METTL9: variants seen among roughly 807,000 people sequenced by gnomAD.
METTL9 encodes the protein protein-L-histidine N-pros-methyltransferase.
In METTL9, 10 loss-of-function variants were observed where a neutral mutation model predicts 36.0. The observed-to-expected ratio is 0.28, with a 90% CI of 0.17 to 0.47. The LOEUF (loss-of-function observed/expected upper bound fraction) is 0.47. Ranked by LOEUF, METTL9 falls within the 20% of genes least tolerant of loss-of-function variation. The probability of loss-of-function intolerance (pLI) is 0.99; values close to 1 mark genes in which losing one functional copy is unlikely to be tolerated. For missense variants in METTL9, 246 were observed against 383.5 expected (o/e 0.64, Z 3.00); for synonymous variants, 175 against 149.7 (o/e 1.17, Z -1.23).
chr16:21,630,251 C>T (rs761473007), intron 4 of METTL9, among the ~76,000 whole-genome samples: 8 of 152,256 alleles, frequency 5.3e-5, no homozygotes, highest in Non-Finnish European at 7.3e-5. Flanking sequence ...GCCCAGCAGG[C>T]GCTGGCTGGT....
At chr16:21,652,526 C>T in intron 4 of METTL9, 2 of 1,604,928 alleles carry the variant, frequency 1.2e-6, no homozygotes, top group Non-Finnish European at 1.7e-6. Context: ...AGAAAAAGAA[C>T]CTTACCGACA....
intron 1 of METTL9, among the ~76,000 whole-genome samples, chr16:21,608,112 G>A (rs1440867104): frequency 3.3e-5 from 5 of 151,974 alleles, no homozygotes. Context: ...TCACACCACT[G>A]CACTCCATCC....
At chr16:21,648,830 C>T (rs1028822731) in intron 4 of METTL9, among the ~76,000 whole-genome samples, 2 of 152,190 alleles carry the variant, frequency 1.3e-5, no homozygotes, top group Admixed American at 1.3e-4. Context: ...GTAAATGAAA[C>T]TGAAAAGTCA....
intron 4 of METTL9, chr16:21,652,227 T>A (rs1231785990): frequency 4.3e-6 from 1 of 234,234 alleles, no homozygotes; most frequent in Non-Finnish European, 8.1e-6. Context: ...AGATCAAGTT[T>A]GTATGATAAT....
At chr16:21,625,471 G>T (rs779282155) in intron 4 of METTL9, among the ~76,000 whole-genome samples, 1 of 152,074 alleles carries the variant, frequency 6.6e-6, no homozygotes, top group South Asian at 2.1e-4. Flanking sequence ...AAATCTGGTC[G>T]TATATACTTG....
intron 4 of METTL9, chr16:21,641,628 G>A (rs764814598): frequency 2.1e-6 from 3 of 1,414,450 alleles, no homozygotes; most frequent in Non-Finnish European, 3.0e-6. Flanking sequence ...CCATGTTTAA[G>A]GTTATGTAAC....
upstream of METTL9, chr16:21,599,342 T>G (rs1395656183): frequency 1.1e-6 from 1 of 947,960 alleles, no homozygotes; most frequent in East Asian, 1.1e-4. The surrounding 1 kb of genome is among the most constrained non-coding windows in gnomAD (Gnocchi z 4.4). Context: ...TAAAACCACC[T>G]CCGCCATTTA....
chr16:21,610,404 G>A (rs574860283), intron 1 of METTL9, among the ~76,000 whole-genome samples: 2 of 152,146 alleles, frequency 1.3e-5, no homozygotes, highest in Non-Finnish European at 2.9e-5. Context: ...ACCATTTGAT[G>A]GACATTTGAC....
chr16:21,608,674 T>C (rs552373557), intron 1 of METTL9, among the ~76,000 whole-genome samples: 143 of 152,256 alleles, frequency 9.4e-4, no homozygotes, highest in African/African-American at 3.3e-3. Flanking sequence ...TGTAACCTGA[T>C]GGATAGGCAC....
At chr16:21,652,861 T>G (rs1966613762) in intron 4 of METTL9, 1 of 393,974 alleles carries the variant, frequency 2.5e-6, no homozygotes, top group Admixed American at 4.5e-5. Context: ...AGATTTTGAT[T>G]TACACCTAGC....
At chr16:21,638,045 C>T (rs374794839) in intron 4 of METTL9, among the ~76,000 whole-genome samples, 5 of 152,156 alleles carry the variant, frequency 3.3e-5, no homozygotes, top group East Asian at 1.9e-4. Flanking sequence ...AGGCTGGGTG[C>T]GGTGGCTTAT....
chr16:21,651,440 G>A (rs1966573958), intron 4 of METTL9, among the ~76,000 whole-genome samples: 1 of 152,056 alleles, frequency 6.6e-6, no homozygotes, highest in Non-Finnish European at 1.5e-5. Flanking sequence ...GACTGCAGGT[G>A]CAGTGCAGGT....
chr16:21,613,434 C>T (rs1361990965), intron 2 of METTL9, among the ~76,000 whole-genome samples: 1 of 151,946 alleles, frequency 6.6e-6, no homozygotes, highest in African/African-American at 2.4e-5. Context: ...CCACCTTTGC[C>T]TCCCAAAGTG....
At chr16:21,643,169 G>T in intron 4 of METTL9, 8 of 1,575,668 alleles carry the variant, frequency 5.1e-6, no homozygotes, top group Non-Finnish European at 6.9e-6. Flanking sequence ...AAAGACAAAT[G>T]AGAAAAAAAA....
chr16:21,598,472 G>T (rs194550), upstream of METTL9, among the ~76,000 whole-genome samples: 1,349 of 151,934 alleles, frequency 8.9e-3, 47 homozygotes, highest in East Asian at 0.083. Flanking sequence ...TTAACCAAAA[G>T]GCTTACTTCT....
chr16:21,643,717 C>T (rs1181904172), intron 4 of METTL9: 1 of 638,258 alleles, frequency 1.6e-6, no homozygotes, highest in Admixed American at 3.3e-5. Flanking sequence ...TACAATGAGA[C>T]TTAATTTTTA....
chr16:21,619,921 TCTA>T (rs1301261146), intron 3 of METTL9, among the ~76,000 whole-genome samples: 2 of 152,202 alleles, frequency 1.3e-5, no homozygotes, highest in African/African-American at 4.8e-5. Flanking sequence ...TCCACATGTT[TCTA>T]CTTTTACAGA....
At chr16:21,641,415 C>A (rs1227553579) in intron 4 of METTL9, 2 of 491,444 alleles carry the variant, frequency 4.1e-6, no homozygotes, top group Non-Finnish European at 7.2e-6. Flanking sequence ...TTCTTTGTAG[C>A]CAGTTGTCTT....
At position 21,617,741 on chromosome 16, in the gene METTL9, A is replaced by G. The variant is rs1965589456; in HGVS notation, c.357-124A>G. ...GAGACCTTGTCTAAAAAAAAAAAAAATCTTAACCATGTAATAAGTGATTAT... is the reference window on the plus strand; with the variant it reads ...GAGACCTTGTCTAAAAAAAAAAAAAGTCTTAACCATGTAATAAGTGATTAT... On this transcript the variant is annotated intron_variant, in intron 2 of 4. Coordinates refer to ENST00000358154, the MANE Select transcript of METTL9 (RefSeq NM_016025.5). The G allele has an allele frequency of 1.0e-5, 9 of 866,008 alleles. No homozygotes were observed. The South Asian group carries it at 1.2e-4, about 12-fold the overall frequency. 53.6% of individuals were successfully genotyped at this position (866,008 alleles called of 1,614,324 possible).
Sources: gnomAD v4.1 joint callset for allele counts (sites outside exome capture counted in the v4.1 genomes callset) on GRCh38, gnomAD v4.1.1 for gene constraint, Gnocchi (gnomAD v3.1) non-coding constraint, MANE v1.5 for transcripts, NCBI Gene and HGNC (gene_info 2026-07-23, HGNC 2026-07-21) for gene names.